The following ITIH2 variants were observed in gnomAD, a reference collection of about 807,000 sequenced individuals.
ITIH2 encodes inter-alpha-trypsin inhibitor heavy chain H2.
In ITIH2, 103 loss-of-function variants were observed where a neutral mutation model predicts 104.4. That is an observed-to-expected ratio of 0.99 (90% CI 0.84 to 1.16). ITIH2 has a LOEUF of 1.16. Among genes scored for constraint, ITIH2 ranks in the 50% most tolerant of loss-of-function variants. The pLI, the probability that ITIH2 is intolerant of heterozygous loss-of-function variation, is 0.00. For missense variants in ITIH2, 1,108 were observed against 1,162.4 expected, an observed-to-expected ratio of 0.95 and a Z score of 0.68; for synonymous variants, 436 against 435.4, an observed-to-expected ratio of 1.00 and a Z score of -0.02.
Position 7,730,097 on chromosome 10 carries a change from G to A in ITIH2, c.1425G>A (p.Arg475=). 1 of 1,609,104 alleles carries A rather than the reference G, an allele frequency of 6.2e-7. No individual in the cohort carries two copies. The highest frequency in any genetic ancestry group is 1.1e-5 in the South Asian group (1 of 89,458). ...ATGAAAACCATGGAATTGCACAAAGGATTTATGGAAACCAGGACACGTCTT... is the reference window on the plus strand; with the variant it reads ...ATGAAAACCATGGAATTGCACAAAGAATTTATGGAAACCAGGACACGTCTT... The part of the protein sequence containing the change: ...LSNENHGIAQ[R]IYGNQDTSSQ... Residue 475 remains arginine (R), a synonymous_variant, in exon 12 of 21, where the codon AGG becomes AGA. Coordinates refer to ENST00000358415, the MANE Select transcript of ITIH2 (RefSeq NM_002216.3).
In ITIH2 at chr10:7,715,667, G is replaced by A. The variant is rs115128260; in HGVS notation, c.468-1959G>A. ...TCTTTTTCTTCAATTATTTGATATC[G>A]CAAGCTGACTATCCACAACAACTCC... On this transcript the variant is annotated intron_variant, in intron 5 of 20. Coordinates refer to ENST00000358415, the MANE Select transcript of ITIH2 (RefSeq NM_002216.3). Among the ~76,000 whole-genome samples, 810 of 152,202 alleles carry A rather than the reference G, an allele frequency of 5.3e-3. 12 individuals are homozygous for A. Among genetic ancestry groups the A allele is most frequent in the African/African-American group, 0.019 (782 of 41,522 alleles).
intron 16 of ITIH2, among the ~76,000 whole-genome samples, chr10:7,740,437 T>C (rs796362805): frequency 7.2e-5 from 11 of 152,280 alleles, no homozygotes; most frequent in East Asian, 3.9e-4. Flanking sequence ...CGTGCGTAAG[T>C]TGATCATGCT....
chr10:7,714,317 A>G (rs908329900), intron 5 of ITIH2, among the ~76,000 whole-genome samples: 5 of 151,902 alleles, frequency 3.3e-5, no homozygotes, highest in South Asian at 2.1e-4. Flanking sequence ...GACTACAGGC[A>G]CCCATCACCA....
intron 2 of ITIH2, among the ~76,000 whole-genome samples, chr10:7,705,640 G>A (rs1400588776): frequency 5.3e-5 from 8 of 149,572 alleles, no homozygotes; most frequent in Non-Finnish European, 8.9e-5. Context: ...GTTCGAGGCT[G>A]CAGTGAGCTA....
chr10:7,713,190 C>T lies in ITIH2; in HGVS notation c.372C>T (p.Asp124=), dbSNP rs749554375. 31 of 1,613,168 alleles carry T rather than the reference C, an allele frequency of 1.9e-5. 1 individual carries two copies. Among genetic ancestry groups the T allele is most frequent in the East Asian group, 4.5e-5 (2 of 44,900 alleles). The change falls in exon 5 of 21, where the codon GAC becomes GAT. Residue 124 remains aspartate (D), a synonymous_variant. Coordinates refer to ENST00000358415, the MANE Select transcript of ITIH2 (RefSeq NM_002216.3). ...TTCTGTCATTTTCTAGGACTGTGGA[C>T]GGCAAGACATTTAGGAGCTCTATTA... ...AFISNFSMTV[D]GKTFRSSIKE...
chr10:7,738,224 A>ATTATATATTATATTCTAT (rs1835087630), intron 15 of ITIH2, among the ~76,000 whole-genome samples: 2 of 109,138 alleles, frequency 1.8e-5, no homozygotes, highest in Admixed American at 1.3e-4. Flanking sequence ...TATTCTATAT[A>ATTATATATTATATTCTAT]ATATTATATA....
rs745751604 is a variant in ITIH2 at position 7,734,963 on chromosome 10, G to T, written c.1829G>T (p.Arg610Ile). The change falls in exon 15 of 21, where the codon AGA (arginine) becomes ATA (isoleucine). Residue 610 changes from arginine to isoleucine, a missense_variant. Physicochemically the swap from Arg to Ile is moderately conservative, Grantham distance 97 (BLOSUM62 -3). Coordinates refer to ENST00000358415, the MANE Select transcript of ITIH2 (RefSeq NM_002216.3). ...GCTGCCGCCAAGAGAAGAATTACAA[G>T]ATCGATCCTGCAGATGTCTCTAGAC... Reference protein sequence around the residue: ...PTAAAKRRITRSILQMSLDHH... With the variant: ...PTAAAKRRITISILQMSLDHH... 6.2e-7 allele frequency: 1 copy of T among 1,613,690 alleles called. No individual in the cohort carries two copies. The highest frequency in any genetic ancestry group is 8.5e-7 in the Non-Finnish European group (1 of 1,179,998).
intron 12 of ITIH2, 29 bp downstream of exon 12, chr10:7,730,162 T>A: frequency 6.6e-7 from 1 of 1,521,712 alleles, no homozygotes. Flanking sequence ...CTTTTTTTAT[T>A]CTTCACTGGA....
chr10:7,733,086 T>C (rs752918254), intron 14 of ITIH2, among the ~76,000 whole-genome samples: 4 of 152,034 alleles, frequency 2.6e-5, no homozygotes, highest in Non-Finnish European at 5.9e-5. Flanking sequence ...ATCCGTGTAA[T>C]CACCACCCAG....
intron 2 of ITIH2, among the ~76,000 whole-genome samples, chr10:7,706,585 A>G (rs1210330947): frequency 6.6e-6 from 1 of 152,234 alleles, no homozygotes; most frequent in Admixed American, 6.5e-5. Context: ...GAAGAGACAG[A>G]CTTTAGTCAA....
Position 7,731,678 on chromosome 10 carries a change from T to C in ITIH2, c.1462-133T>C, listed in dbSNP as rs536847500. On this transcript the variant is annotated intron_variant, in intron 12 of 20. Coordinates refer to ENST00000358415, the MANE Select transcript of ITIH2 (RefSeq NM_002216.3). The stretch of plus-strand genomic sequence containing the variant: ...AGCCGGAGATTGCAGTGAGACGAGA[T>C]CCCACCACTGCACTCCAGCCTGGGC... 6 of 566,712 alleles carry C rather than the reference T, an allele frequency of 1.1e-5. No individual in the cohort carries two copies. In the African/African-American group the frequency reaches 1.2e-4, roughly 11 times the overall value. The allele number at this position is 566,712 out of a possible 1,614,324, so 35.1% of individuals were successfully genotyped here. A position where few individuals can be genotyped will look rare whatever the true frequency, so the allele number is the denominator to read the frequency against.
chr10:7,738,753 T>C lies in ITIH2; in HGVS notation c.2090T>C (p.Met697Thr). The change falls in exon 16 of 21, where the codon ATG becomes ACG. Residue 697 changes from methionine to threonine, a missense_variant. Met to Thr is a moderately conservative substitution (Grantham distance 81, BLOSUM62 -1). Coordinates refer to ENST00000358415, the MANE Select transcript of ITIH2 (RefSeq NM_002216.3). ...GAGTCCACGCCACCCCCACATGTGA[T>C]GAGAGGTAACGCTTCTACACTGCTT... The part of the protein sequence containing the change: ...VLESTPPPHV[M>T]RVENDPHFII... 1 of 1,608,166 alleles carries C rather than the reference T, an allele frequency of 6.2e-7. No homozygotes were observed. The highest frequency in any genetic ancestry group is 8.5e-7 in the Non-Finnish European group (1 of 1,177,038).
At chr10:7,728,217 G>A (rs1302652078) in intron 11 of ITIH2, among the ~76,000 whole-genome samples, 1 of 152,140 alleles carries the variant, frequency 6.6e-6, no homozygotes, top group East Asian at 1.9e-4. Flanking sequence ...TACCTTTGGA[G>A]GCCACAGTAG....
chr10:7,719,335 G>C (rs1384374564), intron 6 of ITIH2, among the ~76,000 whole-genome samples: 3 of 152,308 alleles, frequency 2.0e-5, no homozygotes, highest in African/African-American at 7.2e-5. Flanking sequence ...GCGCCATCCA[G>C]GGCACGTGAC....
At chr10:7,732,294 A>G in intron 13 of ITIH2, 44 bp from the exon 14 acceptor site, 1 of 1,586,604 alleles carries the variant, frequency 6.3e-7, no homozygotes, top group Non-Finnish European at 8.6e-7. Flanking sequence ...ATGAACTATA[A>G]TTCTGTTACC....
At chr10:7,743,844 C>A (rs1835149732) in intron 17 of ITIH2, among the ~76,000 whole-genome samples, 1 of 151,740 alleles carries the variant, frequency 6.6e-6, no homozygotes, top group East Asian at 1.9e-4. Context: ...TATAAACTGA[C>A]AATTAAATTT....
In ITIH2 at chr10:7,749,517, A is replaced by G. The variant is rs555706247; in HGVS notation, c.*183A>G. The G allele has an allele frequency of 3.9e-6, 2 of 512,428 alleles. No individual in the cohort carries two copies. Among genetic ancestry groups the G allele is most frequent in the African/African-American group, 3.8e-5 (2 of 52,120 alleles). The allele number at this position is 512,428 out of a possible 1,614,324, so 31.7% of individuals were successfully genotyped here. Reference sequence around the variant, plus strand: ...ACCTAAGAAAATAAACATTTTACAAATGAGCTTTTAGGATTTTGTTGCATT... The same window carrying G: ...ACCTAAGAAAATAAACATTTTACAAGTGAGCTTTTAGGATTTTGTTGCATT... On this transcript the variant is annotated 3_prime_UTR_variant, in exon 21 of 21. Transcript: ENST00000358415.
chr10:7,726,929 C>A, intron 9 of ITIH2, 21 bp from the exon 10 acceptor site: 1 of 1,575,886 alleles, frequency 6.3e-7, no homozygotes, highest in Non-Finnish European at 8.6e-7. Flanking sequence ...TGGGACCTGT[C>A]TTTATTCTCT....
intron 9 of ITIH2, among the ~76,000 whole-genome samples, chr10:7,726,579 G>T (rs1834952947): frequency 6.6e-6 from 1 of 152,158 alleles, no homozygotes; most frequent in Admixed American, 6.5e-5. Flanking sequence ...AGAGGGTGAT[G>T]GTGGTGGTTT....
Sources: gnomAD v4.1 joint callset for allele counts (sites outside exome capture counted in the v4.1 genomes callset) on GRCh38, gnomAD v4.1.1 for gene constraint, MANE v1.5 for transcripts, NCBI Gene and HGNC (gene_info 2026-07-23, HGNC 2026-07-21) for gene names.